Variants in MAGI1 observed in about 807,000 individuals in gnomAD.
The protein encoded by MAGI1 is membrane-associated guanylate kinase, WW and PDZ domain-containing protein 1.
A neutral mutation model predicts 139.9 loss-of-function variants in MAGI1; 58 were observed. The ratio of observed to expected loss-of-function variants is 0.41; its 90% CI spans 0.34 to 0.52. The LOEUF (loss-of-function observed/expected upper bound fraction) is 0.52, where lower values mean the gene tolerates loss of function less well. Ranked by LOEUF, MAGI1 falls within the 20% of genes least tolerant of loss-of-function variation. MAGI1 has a pLI of 0.12. For missense variants in MAGI1, 1,874 were observed against 1,901.6 expected (o/e 0.99, Z 0.27); for synonymous variants, 812 against 737.9 (o/e 1.10, Z -1.63).
chr3:65,466,321 A>G (rs1441837758), intron 5 of MAGI1, among the ~76,000 whole-genome samples: 1 of 151,706 alleles, frequency 6.6e-6, no homozygotes, highest in Non-Finnish European at 1.5e-5. Context: ...ATTAACATGG[A>G]TTTTTTGGTA....
intron 1 of MAGI1, among the ~76,000 whole-genome samples, chr3:65,633,183 G>T (rs1025871256): frequency 9.9e-5 from 15 of 152,138 alleles, no homozygotes; most frequent in South Asian, 2.1e-4. Context: ...CTCACAGCAG[G>T]TCCTCATCTC....
intron 1 of MAGI1, among the ~76,000 whole-genome samples, chr3:66,016,610 C>T (rs919159421): frequency 1.3e-4 from 20 of 152,192 alleles, no homozygotes; most frequent in African/African-American, 4.1e-4. Context: ...TCCGGAGAGA[C>T]CCAGGGAAAG....
intron 21 of MAGI1, 141 bp from the exon 22 acceptor site, chr3:65,361,478 A>G: frequency 1.4e-6 from 1 of 724,946 alleles, no homozygotes; most frequent in South Asian, 2.0e-5. Flanking sequence ...CCTCATGGAG[A>G]TTATATTCTA....
intron 1 of MAGI1, among the ~76,000 whole-genome samples, chr3:65,989,092 G>A (rs940790601): frequency 1.3e-5 from 2 of 152,134 alleles, no homozygotes; most frequent in African/African-American, 2.4e-5. Flanking sequence ...TTATACCAAC[G>A]CTCCATCACA....
intron 3 of MAGI1, among the ~76,000 whole-genome samples, chr3:65,490,701 G>A (rs529905454): frequency 3.3e-5 from 5 of 151,702 alleles, no homozygotes; most frequent in East Asian, 1.9e-4. Context: ...AAACTTAGCC[G>A]GGCACAGTGG....
At chr3:65,420,557 C>T (rs148800867) in intron 12 of MAGI1, among the ~76,000 whole-genome samples, 11 of 152,270 alleles carry the variant, frequency 7.2e-5, no homozygotes, top group East Asian at 3.9e-4. Flanking sequence ...TTGCAGATGA[C>T]GCTGCTCTAT....
At chr3:65,382,916 G>T (rs1943169063) in intron 15 of MAGI1, among the ~76,000 whole-genome samples, 1 of 152,124 alleles carries the variant, frequency 6.6e-6, no homozygotes, top group African/African-American at 2.4e-5. Context: ...GATGAATAAT[G>T]GCTGTTATTA....
intron 1 of MAGI1, among the ~76,000 whole-genome samples, chr3:65,804,073 A>C (rs1255311765): frequency 6.6e-6 from 1 of 152,202 alleles, no homozygotes; most frequent in Non-Finnish European, 1.5e-5. Context: ...GAAAACTCTA[A>C]GAACATTCAA....
intron 1 of MAGI1, among the ~76,000 whole-genome samples, chr3:65,962,466 C>G (rs1371221850): frequency 6.6e-6 from 1 of 152,106 alleles, no homozygotes; most frequent in Admixed American, 6.5e-5. Flanking sequence ...CCAGGAACTA[C>G]ACACACAACA....
intron 1 of MAGI1, among the ~76,000 whole-genome samples, chr3:65,940,831 G>A (rs1482522230): frequency 1.3e-5 from 2 of 152,192 alleles, no homozygotes; most frequent in African/African-American, 2.4e-5. Context: ...TTCATAGCAC[G>A]TTTCAGTGGA....
chr3:66,000,012 C>G (rs1168467433), intron 1 of MAGI1, among the ~76,000 whole-genome samples: 2 of 130,780 alleles, frequency 1.5e-5, no homozygotes, highest in Non-Finnish European at 3.1e-5. Context: ...TCGCTCTGTC[C>G]CCCAGGCTGG....
intron 1 of MAGI1, among the ~76,000 whole-genome samples, chr3:65,734,457 C>T (rs1401559220): frequency 1.4e-5 from 1 of 71,076 alleles, no homozygotes; most frequent in Non-Finnish European, 2.6e-5. Flanking sequence ...GAGACCCTGT[C>T]AAGAAAAAAA....
intron 1 of MAGI1, among the ~76,000 whole-genome samples, chr3:65,768,798 G>T (rs1194916296): frequency 6.6e-6 from 1 of 152,078 alleles, no homozygotes; most frequent in African/African-American, 2.4e-5. Flanking sequence ...TACTACAGTG[G>T]CATTACTTTA....
intron 2 of MAGI1, among the ~76,000 whole-genome samples, chr3:65,497,324 A>C (rs1576025036): frequency 6.6e-6 from 1 of 152,188 alleles, no homozygotes. Flanking sequence ...AGATCGTCAA[A>C]GGAGACTAAG....
At chr3:65,549,873 G>C (rs2079737691) in intron 2 of MAGI1, among the ~76,000 whole-genome samples, 1 of 151,986 alleles carries the variant, frequency 6.6e-6, no homozygotes, top group Non-Finnish European at 1.5e-5. Flanking sequence ...AAATACAGCA[G>C]GAAGAGAGCT....
chr3:65,611,650 A>G (rs1338001785), intron 2 of MAGI1, among the ~76,000 whole-genome samples: 1 of 147,412 alleles, frequency 6.8e-6, no homozygotes, highest in Non-Finnish European at 1.5e-5. Flanking sequence ...CTAGTATTAT[A>G]TATACTATAC....
intron 1 of MAGI1, among the ~76,000 whole-genome samples, chr3:65,696,087 C>A (rs1235093188): frequency 6.6e-6 from 1 of 152,196 alleles, no homozygotes; most frequent in East Asian, 1.9e-4. Context: ...TGGGTTCCAG[C>A]TTCACTGGCG....
chr3:65,857,311 C>T (rs989169362), intron 1 of MAGI1, among the ~76,000 whole-genome samples: 6 of 152,206 alleles, frequency 3.9e-5, no homozygotes, highest in Non-Finnish European at 5.9e-5. Context: ...CACAGAAATG[C>T]TACCAAGTAA....
intron 3 of MAGI1, among the ~76,000 whole-genome samples, chr3:65,491,576 G>T (rs1246096939): frequency 1.3e-5 from 2 of 152,056 alleles, no homozygotes; most frequent in Non-Finnish European, 2.9e-5. Context: ...TGCAGATGAG[G>T]ACATTTCTCT....
Sources: gnomAD v4.1 joint callset for allele counts (sites outside exome capture counted in the v4.1 genomes callset) on GRCh38, gnomAD v4.1.1 for gene constraint, MANE v1.5 for transcripts, NCBI Gene and HGNC (gene_info 2026-07-23, HGNC 2026-07-21) for gene names.